Variants in CTSO observed in about 807,000 individuals in gnomAD.
CTSO encodes the protein cathepsin O.
CTSO carries 40 observed loss-of-function variants against 42.4 expected under a neutral mutation model. The observed-to-expected ratio is 0.94, with a 90% CI of 0.73 to 1.23. The LOEUF is 1.23. Ranked by LOEUF, CTSO falls within the 50% of genes most tolerant of loss-of-function variation. The probability of loss-of-function intolerance (pLI) is 0.00; values close to 1 mark genes in which losing one functional copy is unlikely to be tolerated. For missense variants in CTSO, 441 were observed against 396.0 expected, an observed-to-expected ratio of 1.11 and a Z score of -0.96; for synonymous variants, 156 against 146.2, an observed-to-expected ratio of 1.07 and a Z score of -0.48.
intron 5 of CTSO, 77 bp from the exon 6 acceptor site, chr4:155,929,782 A>G (rs1056083018): frequency 2.2e-6 from 3 of 1,388,942 alleles, no homozygotes; most frequent in African/African-American, 1.5e-5. Context: ...TAATCTGTGT[A>G]TGATTCTGAG....
intron 5 of CTSO, among the ~76,000 whole-genome samples, chr4:155,931,805 T>C (rs1277845203): frequency 6.6e-6 from 1 of 150,826 alleles, no homozygotes; most frequent in Non-Finnish European, 1.5e-5. Flanking sequence ...CGAATTATTA[T>C]TATAATTATT....
Position 155,931,094 on chromosome 4 carries a change from C to T in CTSO, c.675-1389G>A, listed in dbSNP as rs192063900. Among the ~76,000 whole-genome samples the T allele has an allele frequency of 9.9e-5, 15 of 152,216 alleles. No homozygotes were observed. In the East Asian group the frequency reaches 2.9e-3, roughly 29 times the overall value. On this transcript the variant is annotated intron_variant, in intron 5 of 7. Coordinates refer to ENST00000433477, the MANE Select transcript of CTSO (RefSeq NM_001334.3). ...GACATAAATTATGTAGCATGCCCAG[C>T]ACATAAGTTTTACTCCAAGTTTACA...
chr4:155,946,171 T>C (rs1743543215), intron 1 of CTSO, among the ~76,000 whole-genome samples: 1 of 152,172 alleles, frequency 6.6e-6, no homozygotes, highest in African/African-American at 2.4e-5. Flanking sequence ...ACTAGATCAT[T>C]TGTGACATCT....
chr4:155,932,418 T>C (rs1743252460), intron 5 of CTSO, among the ~76,000 whole-genome samples: 1 of 152,166 alleles, frequency 6.6e-6, no homozygotes, highest in African/African-American at 2.4e-5. Context: ...ATAATATTAT[T>C]GAAGTACAAA....
chr4:155,933,211 G>A (rs1407889845), intron 5 of CTSO, among the ~76,000 whole-genome samples: 1 of 152,102 alleles, frequency 6.6e-6, no homozygotes. Context: ...TCTTTCCAGT[G>A]CTATTCTTGT....
At chr4:155,951,149 C>T (rs982829712) in intron 1 of CTSO, among the ~76,000 whole-genome samples, 1 of 152,066 alleles carries the variant, frequency 6.6e-6, no homozygotes, top group African/African-American at 2.4e-5. Context: ...GGCAACTGGT[C>T]TTAAGGTAAA....
chr4:155,946,380 T>C (rs1277289966), intron 1 of CTSO, among the ~76,000 whole-genome samples: 1 of 152,246 alleles, frequency 6.6e-6, no homozygotes, highest in Non-Finnish European at 1.5e-5. Context: ...TAAATGAATG[T>C]ATTATTTATT....
chr4:155,937,320 TA>T (rs1743346537), intron 5 of CTSO, 41 bp downstream of exon 5: 1 of 1,503,436 alleles, frequency 6.7e-7, no homozygotes, highest in Non-Finnish European at 9.2e-7. Context: ...GATCATAAAT[TA>T]AAAATGTATA....
intron 4 of CTSO, 117 bp downstream of exon 4, chr4:155,939,254 C>T (rs1187285763): frequency 7.0e-6 from 6 of 855,150 alleles, no homozygotes; most frequent in Non-Finnish European, 3.4e-6. Context: ...TGATCATCTA[C>T]ATTTCCGAAC....
intron 4 of CTSO, among the ~76,000 whole-genome samples, chr4:155,938,441 CA>C (rs1337103415): frequency 3.3e-5 from 5 of 152,160 alleles, no homozygotes; most frequent in Non-Finnish European, 7.3e-5. Context: ...ATAGCACCCT[CA>C]TTGGCAAATT....
chr4:155,939,058 T>C (rs557092911), intron 4 of CTSO, among the ~76,000 whole-genome samples: 5 of 152,264 alleles, frequency 3.3e-5, no homozygotes, highest in Non-Finnish European at 7.4e-5. Context: ...TATATTCTCA[T>C]CTTTCCGGGA....
chr4:155,925,962 A>G lies in CTSO; in HGVS notation c.*74T>C. The G allele has an allele frequency of 1.6e-6, 2 of 1,263,212 alleles. No individual in the cohort carries two copies. Among genetic ancestry groups the G allele is most frequent in the Non-Finnish European group, 1.1e-6 (1 of 879,604 alleles). 78.3% of individuals were successfully genotyped at this position (1,263,212 alleles called of 1,614,324 possible). ...TTGCTGAAACTTGAAGTTGAATAAT[A>G]CTTTGAAGTACTATGTTACATTGCA... On this transcript the variant is annotated 3_prime_UTR_variant, in exon 8 of 8. Coordinates refer to ENST00000433477, the MANE Select transcript of CTSO (RefSeq NM_001334.3).
Position 155,947,816 on chromosome 4 carries a change from G to T in CTSO, c.136-4552C>A, listed in dbSNP as rs56940145. Among the ~76,000 whole-genome samples the T allele has an allele frequency of 1.5e-3, 229 of 152,170 alleles. 1 individual carries two copies. Among genetic ancestry groups the T allele is most frequent in the African/African-American group, 5.3e-3 (219 of 41,494 alleles). On this transcript the variant is annotated intron_variant, in intron 1 of 7. Transcript: ENST00000433477. ...TCAGTGGGCACATGTTCTCAACAGA[G>T]GATATGATAGGGAGCAAATTTAGAG...
At position 155,939,410 on chromosome 4, in the gene CTSO, A is replaced by C; in HGVS notation, c.513T>G (p.Asn171Lys). The change falls in exon 4 of 8, where the codon AAT becomes AAG. Residue 171 changes from asparagine to lysine, a missense_variant. By Grantham distance (94) the Asn-to-Lys change is moderately conservative (BLOSUM62 0). Transcript: ENST00000433477. ...TCAAAGCATTGAGAGTAGAGCCTCC[A>C]TTGCAGCCATAATTATTATACGAAC... is the stretch of plus-strand genomic sequence containing the variant. ...IDCSYNNYGC[N>K]GGSTLNALNW... 6.2e-7 allele frequency: 1 copy of C among 1,614,116 alleles called. No homozygotes were observed. The highest frequency in any genetic ancestry group is 8.5e-7 in the Non-Finnish European group (1 of 1,179,966).
At chr4:155,928,515 G>T in intron 6 of CTSO, 87 bp from the exon 7 acceptor site, 1 of 904,716 alleles carries the variant, frequency 1.1e-6, no homozygotes, top group Non-Finnish European at 1.8e-6. Context: ...TTGGATTCTT[G>T]CTAAGGATAG....
Position 155,939,507 on chromosome 4 carries a change from C to T in CTSO, c.416G>A (p.Gly139Glu), listed in dbSNP as rs763070485. ...TATTGCATAAGCAGATTCCACTGCC[C>T]CCACCACGCTGAAGGCCCAGCATCC... ...CGGCWAFSVV[G>E]AVESAYAIKG... is the part of the protein sequence containing the mutation. Residue 139 changes from glycine to glutamate, a missense_variant, in exon 4 of 8, where the codon GGG becomes GAG. By Grantham distance (98) the Gly-to-Glu change is moderately conservative. Transcript: ENST00000433477. The T allele has an allele frequency of 2.3e-5, 37 of 1,613,822 alleles. No homozygotes were observed. Among genetic ancestry groups the T allele is most frequent in the Non-Finnish European group, 3.0e-5 (35 of 1,179,920 alleles).
intron 3 of CTSO, among the ~76,000 whole-genome samples, chr4:155,940,055 T>C (rs1743401265): frequency 6.6e-6 from 1 of 152,194 alleles, no homozygotes; most frequent in Admixed American, 6.5e-5. Context: ...TAATAAATAT[T>C]AATGAATTAC....
intron 2 of CTSO, 61 bp downstream of exon 2, chr4:155,943,095 C>T: frequency 1.0e-6 from 1 of 965,358 alleles, no homozygotes; most frequent in African/African-American, 1.6e-5. Flanking sequence ...AAATATTTAT[C>T]AAAAGTTAAG....
At chr4:155,928,619 T>G (rs1743173552) in intron 6 of CTSO, among the ~76,000 whole-genome samples, 191 bp from the exon 7 acceptor site, 1 of 152,146 alleles carries the variant, frequency 6.6e-6, no homozygotes, top group Admixed American at 6.5e-5. Context: ...ACGGACACTC[T>G]CCAATCAGTA....
Sources: allele counts gnomAD v4.1 joint callset (sites outside exome capture counted in the v4.1 genomes callset), GRCh38; gene constraint gnomAD v4.1.1; transcripts MANE v1.5; gene names NCBI Gene and HGNC (gene_info 2026-07-23, HGNC 2026-07-21).